Variants in PTPRT observed in about 807,000 individuals in gnomAD.
PTPRT encodes protein tyrosine phosphatase receptor type T.
PTPRT carries 56 observed loss-of-function variants against 176.8 expected under a neutral mutation model. The ratio of observed to expected loss-of-function variants is 0.32; its 90% CI spans 0.26 to 0.40. The LOEUF (loss-of-function observed/expected upper bound fraction) is 0.40. PTPRT is among the 10% of genes least tolerant of loss of function. The pLI, the probability that PTPRT is intolerant of heterozygous loss-of-function variation, is 1.00. For synonymous variants in PTPRT, 783 were observed against 739.0 expected (o/e 1.06, Z -0.96); for missense variants, 1,540 against 1,908.2 (o/e 0.81, Z 3.60).
At chr20:42,748,709 G>C (rs2076726161) in intron 6 of PTPRT, among the ~76,000 whole-genome samples, 1 of 152,106 alleles carries the variant, frequency 6.6e-6, no homozygotes, top group South Asian at 2.1e-4. Flanking sequence ...AAGCCCTGGG[G>C]AGCGGGGGGT....
At chr20:42,953,009 A>G (rs576498197) in intron 1 of PTPRT, among the ~76,000 whole-genome samples, 9 of 152,302 alleles carry the variant, frequency 5.9e-5, no homozygotes, top group Middle Eastern at 3.4e-3. Flanking sequence ...CTCCACTTTC[A>G]TGCCCTTCAG....
chr20:42,996,812 A>G (rs1473506539), intron 1 of PTPRT, among the ~76,000 whole-genome samples: 2 of 152,196 alleles, frequency 1.3e-5, no homozygotes, highest in Non-Finnish European at 2.9e-5. Flanking sequence ...CAAGTCTCAT[A>G]ATAGCTATAT....
intron 1 of PTPRT, among the ~76,000 whole-genome samples, chr20:42,961,213 G>T (rs1460651881): frequency 6.6e-6 from 1 of 152,174 alleles, no homozygotes; most frequent in Non-Finnish European, 1.5e-5. Context: ...AAGGAGCACA[G>T]AACTGTGGAA....
intron 8 of PTPRT, among the ~76,000 whole-genome samples, chr20:42,461,983 C>A (rs2145893422): frequency 6.8e-6 from 1 of 147,882 alleles, no homozygotes; most frequent in Admixed American, 6.7e-5. Context: ...GGGACAATTG[C>A]TGGAGCAATG....
At chr20:42,236,038 T>A (rs900515253) in intron 15 of PTPRT, among the ~76,000 whole-genome samples, 191 bp downstream of exon 15, 1 of 152,166 alleles carries the variant, frequency 6.6e-6, no homozygotes, top group Non-Finnish European at 1.5e-5. Flanking sequence ...GGTGGAAACA[T>A]AACGAACTTG....
At chr20:42,824,300 C>T (rs1468083990) in intron 2 of PTPRT, among the ~76,000 whole-genome samples, 1 of 151,954 alleles carries the variant, frequency 6.6e-6, no homozygotes, top group Non-Finnish European at 1.5e-5. Context: ...CAAAGAGTCT[C>T]TCTCTCTTTT....
chr20:42,712,230 C>T (rs1296019434), intron 6 of PTPRT, among the ~76,000 whole-genome samples: 4 of 152,150 alleles, frequency 2.6e-5, no homozygotes, highest in African/African-American at 7.2e-5. Context: ...TAGTCCCTTT[C>T]CCCAAGTCCC....
Position 42,077,292 on chromosome 20 carries a change from C to T in PTPRT, c.*3587G>A, listed in dbSNP as rs17219643. 0.012 allele frequency: 2,293 copies of T among 188,270 alleles called. 19 individuals are homozygous for T. Among genetic ancestry groups the T allele is most frequent in the Non-Finnish European group, 0.017 (1,559 of 89,394 alleles). 11.7% of individuals were successfully genotyped at this position (188,270 alleles called of 1,614,324 possible). ...CCCCTGGTTGGCCCAGATTCTTCAC[C>T]CCAGAAAGGATGCAATGTTGGAGTG... On this transcript the variant is annotated 3_prime_UTR_variant, in exon 31 of 31. Coordinates refer to ENST00000373187, the MANE Select transcript of PTPRT (RefSeq NM_007050.6).
At chr20:42,940,376 T>A (rs993118332) in intron 1 of PTPRT, among the ~76,000 whole-genome samples, 2 of 152,228 alleles carry the variant, frequency 1.3e-5, no homozygotes, top group Non-Finnish European at 2.9e-5. Context: ...GGAAATGAGT[T>A]GTATTCGCAT....
At chr20:42,717,807 C>A (rs2076247701) in intron 6 of PTPRT, among the ~76,000 whole-genome samples, 1 of 152,008 alleles carries the variant, frequency 6.6e-6, no homozygotes, top group South Asian at 2.1e-4. Flanking sequence ...TAAGACACAA[C>A]TCAATATAAA....
intron 1 of PTPRT, among the ~76,000 whole-genome samples, chr20:43,003,652 G>T (rs1984708019): frequency 6.6e-6 from 1 of 152,200 alleles, no homozygotes; most frequent in Non-Finnish European, 1.5e-5. Flanking sequence ...CTTTTAAGAA[G>T]TATCTCGCAT....
chr20:42,638,004 G>A (rs2074646268), intron 7 of PTPRT, among the ~76,000 whole-genome samples: 1 of 152,096 alleles, frequency 6.6e-6, no homozygotes, highest in Admixed American at 6.6e-5. Flanking sequence ...AGCCAATTGT[G>A]CACATCTCTT....
intron 1 of PTPRT, among the ~76,000 whole-genome samples, chr20:42,928,275 A>G (rs1979612988): frequency 6.6e-6 from 1 of 152,232 alleles, no homozygotes; most frequent in Admixed American, 6.5e-5. Context: ...CCTGATGACA[A>G]TCTGAATCAA....
chr20:42,241,714 T>C (rs762210021), intron 14 of PTPRT, among the ~76,000 whole-genome samples: 1 of 152,016 alleles, frequency 6.6e-6, no homozygotes, highest in East Asian at 1.9e-4. Flanking sequence ...TAAGTGGCTG[T>C]CCACGTGAGT....
intron 1 of PTPRT, among the ~76,000 whole-genome samples, chr20:42,986,838 G>A (rs1983608111): frequency 6.6e-6 from 1 of 152,176 alleles, no homozygotes; most frequent in African/African-American, 2.4e-5. Context: ...CCCAGCCCTA[G>A]AAAGAGAGCT....
chr20:42,673,680 C>A (rs549512102), intron 7 of PTPRT, among the ~76,000 whole-genome samples: 90 of 152,258 alleles, frequency 5.9e-4, no homozygotes, highest in Admixed American at 1.2e-3. Context: ...TCTCATTCAT[C>A]AGTATTCTGC....
intron 13 of PTPRT, among the ~76,000 whole-genome samples, chr20:42,259,473 T>C (rs112447942): frequency 2.0e-5 from 3 of 152,302 alleles, no homozygotes; most frequent in African/African-American, 7.2e-5. Flanking sequence ...CATTTATACC[T>C]CCCAATGACC....
chr20:42,489,989 C>T (rs958866702), intron 7 of PTPRT, among the ~76,000 whole-genome samples: 13 of 152,122 alleles, frequency 8.5e-5, no homozygotes. Context: ...TCCTCAAAAC[C>T]ATTTGCTTAC....
intron 2 of PTPRT, among the ~76,000 whole-genome samples, chr20:42,819,788 A>G (rs1357121553): frequency 2.0e-5 from 3 of 152,212 alleles, no homozygotes; most frequent in Non-Finnish European, 1.5e-5. Flanking sequence ...TCTCTGATAA[A>G]AAAGACTTTA....
Sources: gnomAD v4.1 joint callset for allele counts (sites outside exome capture counted in the v4.1 genomes callset) on GRCh38, gnomAD v4.1.1 for gene constraint, MANE v1.5 for transcripts, NCBI Gene and HGNC (gene_info 2026-07-23, HGNC 2026-07-21) for gene names.